Variants in VWA3B observed in about 807,000 individuals in gnomAD.
VWA3B encodes the protein von Willebrand factor A domain containing 3B, also known as von Willebrand factor A domain-containing protein 3B.
In VWA3B, 138 loss-of-function variants were observed where a neutral mutation model predicts 158.3. The observed-to-expected ratio is 0.87, with a 90% CI of 0.76 to 1.00. The LOEUF (loss-of-function observed/expected upper bound fraction) is 1.00. Ranked by LOEUF, VWA3B falls within the 50% of genes least tolerant of loss-of-function variation. VWA3B has a pLI of 0.00. For synonymous variants in VWA3B, 596 were observed against 587.3 expected (o/e 1.01, Z -0.21); for missense variants, 1,555 against 1,565.1 (o/e 0.99, Z 0.11).
At chr2:98,214,606 A>G (rs1683818574) in intron 13 of VWA3B, among the ~76,000 whole-genome samples, 1 of 152,080 alleles carries the variant, frequency 6.6e-6, no homozygotes, top group African/African-American at 2.4e-5. Flanking sequence ...CATCTTTTTT[A>G]AAAAAACAAC....
Position 98,297,943 on chromosome 2 carries a change from T to C in VWA3B, c.3194T>C (p.Leu1065Pro). ...VKKCVSRTQALVGFSYGDTKV... is the reference protein window; with the variant it reads ...VKKCVSRTQAPVGFSYGDTKV... ...AAGTGTGTGAGCCGCACCCAAGCAC[T>C]GGTGGGCTTCAGTTACGGAGACACC... The change falls in exon 24 of 28, where the codon CTG becomes CCG. Residue 1065 changes from leucine (L) to proline (P), a missense_variant. Transcript: ENST00000477737. 1 of 1,585,250 alleles carries C rather than the reference T, an allele frequency of 6.3e-7. No homozygotes were observed. Among genetic ancestry groups the C allele is most frequent in the Non-Finnish European group, 8.6e-7 (1 of 1,165,506 alleles).
chr2:98,299,401 A>G (rs1690040409), intron 24 of VWA3B, among the ~76,000 whole-genome samples: 1 of 152,188 alleles, frequency 6.6e-6, no homozygotes, highest in Non-Finnish European at 1.5e-5. Context: ...TCCAGCTCCA[A>G]GGCCTGGGAT....
intron 3 of VWA3B, 28 bp from the exon 4 acceptor site, chr2:98,119,485 A>T (rs752424481): frequency 1.2e-6 from 2 of 1,608,652 alleles, no homozygotes; most frequent in African/African-American, 2.7e-5. Context: ...GTGTTGTTTT[A>T]TTGTTTTTGT....
intron 23 of VWA3B, among the ~76,000 whole-genome samples, chr2:98,294,090 C>T (rs2105960467): frequency 6.6e-6 from 1 of 150,392 alleles, no homozygotes; most frequent in Admixed American, 6.7e-5. Flanking sequence ...TCATGGCCCT[C>T]TGGGTCATCC....
chr2:98,180,074 T>G (rs544576268), intron 8 of VWA3B, among the ~76,000 whole-genome samples: 1 of 148,252 alleles, frequency 6.7e-6, no homozygotes, highest in African/African-American at 2.6e-5. Flanking sequence ...CTTTCTCTCT[T>G]TCTTTCTTTC....
chr2:98,149,577 T>C (rs1677455324), intron 7 of VWA3B, among the ~76,000 whole-genome samples: 2 of 152,226 alleles, frequency 1.3e-5, no homozygotes. Context: ...ATGCAAACGT[T>C]TGATTGATTG....
intron 21 of VWA3B, among the ~76,000 whole-genome samples, chr2:98,262,156 G>A (rs1471949186): frequency 6.6e-6 from 1 of 151,596 alleles, no homozygotes; most frequent in Admixed American, 6.6e-5. Context: ...TGTAGGAGTT[G>A]TTTATATATT....
At chr2:98,234,367 A>G (rs1048075147) in intron 16 of VWA3B, among the ~76,000 whole-genome samples, 4 of 152,226 alleles carry the variant, frequency 2.6e-5, no homozygotes, top group Admixed American at 2.0e-4. Flanking sequence ...TACAGTCAGC[A>G]AGGAAATGGG....
chr2:98,274,792 G>A (rs1016074083), intron 22 of VWA3B, among the ~76,000 whole-genome samples: 11 of 152,298 alleles, frequency 7.2e-5, no homozygotes, highest in Admixed American at 3.3e-4. Context: ...CCGGTGCAGC[G>A]CTCCCCTTGA....
chr2:98,208,615 T>A (rs1370455762), intron 12 of VWA3B, among the ~76,000 whole-genome samples: 1 of 152,228 alleles, frequency 6.6e-6, no homozygotes, highest in East Asian at 1.9e-4. Context: ...CACAGCCTAT[T>A]GGTGGTTTGC....
rs115863556 is a variant in VWA3B, at chr2:98,252,462, G to A, written c.2792+2026G>A. On this transcript the variant is annotated intron_variant, in intron 20 of 27. Coordinates refer to ENST00000477737, the MANE Select transcript of VWA3B (RefSeq NM_144992.5). ...CTGTGAAAGCCTGATGCAGGGCCAC[G>A]AGCTAGATAGAGCTTCGTGGTCAGA... Among the ~76,000 whole-genome samples, 742 of 152,146 alleles carry A rather than the reference G, an allele frequency of 4.9e-3. 3 individuals carry two copies. Among genetic ancestry groups the A allele is most frequent in the South Asian group, 8.7e-3 (42 of 4,818 alleles).
rs375404818 is a variant in VWA3B at position 98,284,128 on chromosome 2, G to A, written c.3046-6383G>A. Among the ~76,000 whole-genome samples, 108 of 152,324 alleles carry A rather than the reference G, an allele frequency of 7.1e-4. 2 individuals carry two copies. The South Asian group carries it at 0.02, about 28-fold the overall frequency. The stretch of plus-strand genomic sequence containing the variant: ...CAAAGTTTGGCTAAATGTGAGCATC[G>A]TAAACAAAAGAATATAGTTCACCAT... On this transcript the variant is annotated intron_variant, in intron 22 of 27. Transcript: ENST00000477737.
chr2:98,244,821 T>C (rs1686289386), intron 19 of VWA3B, among the ~76,000 whole-genome samples: 8 of 152,172 alleles, frequency 5.3e-5, no homozygotes, highest in Admixed American at 5.2e-4. Flanking sequence ...TAAGGATAAA[T>C]AGTATTATCA....
chr2:98,270,552 A>G lies in VWA3B; in HGVS notation c.2844-130A>G, dbSNP rs554187652. ...ATGATGCTGTCATCTGACACCTGAC[A>G]CTAGCTTCAACAGATGTTTCTCAGG... On this transcript the variant is annotated intron_variant, in intron 21 of 27. Coordinates refer to ENST00000477737, the MANE Select transcript of VWA3B (RefSeq NM_144992.5). 52 of 911,652 alleles carry G rather than the reference A, an allele frequency of 5.7e-5. 1 individual carries two copies. In the South Asian group the frequency reaches 8.7e-4, roughly 15 times the overall value. The allele number at this position is 911,652 out of a possible 1,614,324, so 56.5% of individuals were successfully genotyped here.
intron 22 of VWA3B, among the ~76,000 whole-genome samples, chr2:98,271,363 A>C (rs1319288428): frequency 6.6e-6 from 1 of 152,214 alleles, no homozygotes; most frequent in African/African-American, 2.4e-5. Context: ...AATTTTTTTT[A>C]ATAATCATTA....
Position 98,121,362 on chromosome 2 carries a change from T to C in VWA3B, c.606T>C (p.Ala202=). The change falls in exon 5 of 28, where the codon GCT becomes GCC. Residue 202 remains alanine, a synonymous_variant. Transcript: ENST00000477737. ...NATPVTEQSI[A]TAISWVEKLT... is the part of the protein sequence containing the mutation. The stretch of plus-strand genomic sequence containing the variant: ...CTCCTGTGACCGAACAGTCCATAGC[T>C]ACTGCCATCAGTTGGGTTGAGAAAC... The C allele has an allele frequency of 6.2e-7, 1 of 1,614,198 alleles. No individual in the cohort carries two copies. Among genetic ancestry groups the C allele is most frequent in the Non-Finnish European group, 8.5e-7 (1 of 1,180,030 alleles).
intron 5 of VWA3B, 22 bp downstream of exon 5, chr2:98,121,480 G>T: frequency 6.2e-7 from 1 of 1,606,052 alleles, no homozygotes. Context: ...TTCATGGCTG[G>T]CCCCAGGCCA....
At chr2:98,113,696 C>A (rs963197067) in intron 2 of VWA3B, among the ~76,000 whole-genome samples, 1 of 152,156 alleles carries the variant, frequency 6.6e-6, no homozygotes, top group African/African-American at 2.4e-5. Flanking sequence ...TCTACACTTT[C>A]CTACCCCTAA....
chr2:98,241,762 C>T (rs1057090401), intron 19 of VWA3B, among the ~76,000 whole-genome samples: 1 of 151,974 alleles, frequency 6.6e-6, no homozygotes, highest in Non-Finnish European at 1.5e-5. Flanking sequence ...CCTTCTGTGG[C>T]ATTGTGAGTT....
Sources: allele counts gnomAD v4.1 joint callset (sites outside exome capture counted in the v4.1 genomes callset), GRCh38; gene constraint gnomAD v4.1.1; transcripts MANE v1.5; gene names NCBI Gene and HGNC (gene_info 2026-07-23, HGNC 2026-07-21).